TRHDE: variants seen among roughly 807,000 people sequenced by gnomAD.
TRHDE encodes thyrotropin releasing hormone degrading enzyme, also known as thyrotropin-releasing hormone-degrading ectoenzyme.
In TRHDE, 72 loss-of-function variants were observed where a neutral mutation model predicts 125.7. The ratio of observed to expected loss-of-function variants is 0.57; its 90% confidence interval spans 0.47 to 0.70. The LOEUF is 0.70. Ranked by LOEUF, TRHDE falls within the 30% of genes least tolerant of loss-of-function variation. TRHDE has a pLI of 0.00. For synonymous variants in TRHDE, 509 were observed against 509.1 expected, an observed-to-expected ratio of 1.00 and a Z score of 0.00; for missense variants, 1,110 against 1,327.1, an observed-to-expected ratio of 0.84 and a Z score of 2.54.
intron 2 of TRHDE, among the ~76,000 whole-genome samples, chr12:72,160,228 A>G (rs1368948100): frequency 6.6e-6 from 1 of 152,118 alleles, no homozygotes; most frequent in Non-Finnish European, 1.5e-5. Flanking sequence ...TACTGCTAGG[A>G]ACTAAGTTGG....
chr12:72,382,031 A>G (rs185072335), intron 3 of TRHDE, among the ~76,000 whole-genome samples: 164 of 152,298 alleles, frequency 1.1e-3, no homozygotes, highest in Middle Eastern at 3.4e-3. Context: ...GATAGAAACA[A>G]AACAGGAGCA....
At chr12:72,493,120 G>A (rs1003031810) in intron 5 of TRHDE, among the ~76,000 whole-genome samples, 1 of 151,868 alleles carries the variant, frequency 6.6e-6, no homozygotes, top group Non-Finnish European at 1.5e-5. Context: ...CATTATTCAA[G>A]CATTATAATT....
intron 3 of TRHDE, among the ~76,000 whole-genome samples, chr12:72,435,640 ATTTTTTT>A (rs1246330658): frequency 7.2e-6 from 1 of 139,070 alleles, no homozygotes; most frequent in African/African-American, 2.7e-5. Context: ...CCAGGCTGGG[ATTTTTTT>A]TTTTTTTTTG....
chr12:72,471,965 G>T (rs1218543320), intron 4 of TRHDE, among the ~76,000 whole-genome samples: 1 of 152,106 alleles, frequency 6.6e-6, no homozygotes, highest in Admixed American at 6.6e-5. Context: ...CCCACTTAGA[G>T]TCTTCACATT....
chr12:72,663,501 G>A lies in TRHDE; in HGVS notation c.*306G>A. 5.1e-6 allele frequency: 1 copy of A among 195,786 alleles called. No individual in the cohort carries two copies. The highest frequency in any genetic ancestry group is 1.2e-4 in the East Asian group (1 of 8,062). 12.1% of individuals were successfully genotyped at this position (195,786 alleles called of 1,614,324 possible). ...ACCAAATATGATAGTGATGCATGTT[G>A]ATGTTACAGTCAATTTGGAAAAACA... On this transcript the variant is annotated 3_prime_UTR_variant, in exon 19 of 19. Transcript: ENST00000261180.
intron 2 of TRHDE, among the ~76,000 whole-genome samples, chr12:72,367,549 AT>A (rs1021577200): frequency 3.3e-5 from 5 of 152,030 alleles, no homozygotes; most frequent in Non-Finnish European, 5.9e-5. Context: ...AGAAAAAAAA[AT>A]GTTATCTTCT....
intron 6 of TRHDE, among the ~76,000 whole-genome samples, chr12:72,520,534 C>T (rs556946595): frequency 6.6e-6 from 1 of 152,164 alleles, no homozygotes; most frequent in Non-Finnish European, 1.5e-5. Context: ...GACCTGCGCC[C>T]ACTCTCTGGC....
chr12:72,391,508 C>T (rs1487117069), intron 3 of TRHDE, among the ~76,000 whole-genome samples: 1 of 151,724 alleles, frequency 6.6e-6, no homozygotes, highest in Non-Finnish European at 1.5e-5. Context: ...ATTTTTTTTC[C>T]TTATGGGTTC....
intron 3 of TRHDE, among the ~76,000 whole-genome samples, chr12:72,434,389 A>G (rs1874643957): frequency 1.3e-5 from 1 of 75,890 alleles, no homozygotes; most frequent in African/African-American, 7.2e-5. Flanking sequence ...TCTATGTCTC[A>G]AAAAAAAAAA....
At position 72,335,444 on chromosome 12, in the gene TRHDE, A is replaced by G. The variant is rs150101640; in HGVS notation, c.1189-42551A>G. 8.9e-4 allele frequency among the ~76,000 whole-genome samples: 136 copies of G among 152,322 alleles called. No individual in the cohort carries two copies. The Middle Eastern group carries it at 0.014, about 15-fold the overall frequency. The stretch of plus-strand genomic sequence containing the variant: ...TTTCTGTGGTGGGCCAGAAAGATAA[A>G]GTAGACAGGAACCAAAACGAGACAT... On this transcript the variant is annotated intron_variant, in intron 2 of 18. Transcript: ENST00000261180.
chr12:72,190,818 C>T (rs1877323548), intron 2 of TRHDE, among the ~76,000 whole-genome samples: 1 of 152,152 alleles, frequency 6.6e-6, no homozygotes, highest in Non-Finnish European at 1.5e-5. Flanking sequence ...TTCTTTTCAC[C>T]AAGATGGATC....
At chr12:72,143,131 A>G (rs1311883180) in intron 2 of TRHDE, among the ~76,000 whole-genome samples, 1 of 152,088 alleles carries the variant, frequency 6.6e-6, no homozygotes, top group Non-Finnish European at 1.5e-5. Context: ...CCACCCCTAG[A>G]CACTACTGTG....
intron 2 of TRHDE, among the ~76,000 whole-genome samples, chr12:72,139,764 G>GC (rs1200320136): frequency 6.6e-6 from 1 of 151,980 alleles, no homozygotes; most frequent in Admixed American, 6.5e-5. Context: ...AAAATTCTAA[G>GC]CCCCCCAACC....
At chr12:72,654,412 A>T (rs1024139926) in intron 17 of TRHDE, among the ~76,000 whole-genome samples, 1 of 152,140 alleles carries the variant, frequency 6.6e-6, no homozygotes, top group African/African-American at 2.4e-5. Flanking sequence ...GAATGCTGGC[A>T]TTCACGGAGC....
intron 2 of TRHDE, among the ~76,000 whole-genome samples, chr12:72,376,873 A>G (rs1871908906): frequency 1.4e-5 from 2 of 146,576 alleles, no homozygotes; most frequent in Non-Finnish European, 3.0e-5. Flanking sequence ...TGAGTAAACC[A>G]TTTTTTTTTT....
chr12:72,409,824 G>C (rs1873418587), intron 3 of TRHDE, among the ~76,000 whole-genome samples: 1 of 152,130 alleles, frequency 6.6e-6, no homozygotes, highest in African/African-American at 2.4e-5. Context: ...ATAATGTACT[G>C]TGGGGCATAA....
rs1879262715 is a variant in TRHDE, at chr12:72,272,495, A to G, written c.-149A>G. On this transcript the variant is annotated 5_prime_UTR_variant, in exon 1 of 19. Coordinates refer to ENST00000261180, the MANE Select transcript of TRHDE (RefSeq NM_013381.3). This position sits in a 1 kb window ranked among gnomAD's most constrained non-coding sequence, Gnocchi z 6.7. Reference sequence around the variant, plus strand: ...GCGGAAGCTGCCGTCGCTTGTGTCCAGAACCCGTCTTAAAAGAACCCGGGC... The same window carrying G: ...GCGGAAGCTGCCGTCGCTTGTGTCCGGAACCCGTCTTAAAAGAACCCGGGC... 1 of 544,902 alleles carries G rather than the reference A, an allele frequency of 1.8e-6. No homozygotes were observed. Among genetic ancestry groups the G allele is most frequent in the East Asian group, 3.1e-5 (1 of 32,344 alleles). 33.8% of individuals were successfully genotyped at this position (544,902 alleles called of 1,614,324 possible). A position where few individuals can be genotyped will look rare whatever the true frequency, so the allele number is the denominator to read the frequency against.
At chr12:72,160,735 C>T (rs543597363) in intron 2 of TRHDE, among the ~76,000 whole-genome samples, 6 of 152,118 alleles carry the variant, frequency 3.9e-5, no homozygotes, top group African/African-American at 1.2e-4. Context: ...AAAGAAAAAA[C>T]TTCCTCATGA....
intron 3 of TRHDE, among the ~76,000 whole-genome samples, chr12:72,421,968 T>C (rs772228486): frequency 6.6e-6 from 1 of 152,156 alleles, no homozygotes; most frequent in Non-Finnish European, 1.5e-5. Flanking sequence ...CCAGAGACAA[T>C]GGATATATAT....
Sources: gnomAD v4.1 joint callset for allele counts (sites outside exome capture counted in the v4.1 genomes callset) on GRCh38, gnomAD v4.1.1 for gene constraint, Gnocchi (gnomAD v3.1) non-coding constraint, MANE v1.5 for transcripts, NCBI Gene and HGNC (gene_info 2026-07-23, HGNC 2026-07-21) for gene names.